TMC5: variants seen among roughly 807,000 people sequenced by gnomAD.
The protein encoded by TMC5 is transmembrane channel-like protein 5.
Under a neutral mutation model 110.5 loss-of-function variants are expected in TMC5, and 86 were observed. The observed-to-expected ratio is 0.78, with a 90% CI of 0.65 to 0.93. TMC5 has a LOEUF of 0.93. Ranked by LOEUF, TMC5 falls within the 40% of genes least tolerant of loss-of-function variation. The pLI is 0.00. For synonymous variants in TMC5, 455 were observed against 439.5 expected, an observed-to-expected ratio of 1.04 and a Z score of -0.44; for missense variants, 1,144 against 1,222.8, an observed-to-expected ratio of 0.94 and a Z score of 0.96.
Position 19,474,296 on chromosome 16 carries a change from C to T in TMC5, c.2090+20C>T. The T allele has an allele frequency of 1.9e-6, 3 of 1,608,452 alleles. No homozygotes were observed. Among genetic ancestry groups the T allele is most frequent in the Non-Finnish European group, 2.5e-6 (3 of 1,176,946 alleles). On this transcript the variant is annotated intron_variant, in intron 12 of 21. Coordinates refer to ENST00000542583, the MANE Select transcript of TMC5 (RefSeq NM_001261841.2). ...GATCCGGTAGGTGATGTGTCGCGCCCAACACCAGCCTCTATTTCCACAGAG... is the reference window on the plus strand; with the variant it reads ...GATCCGGTAGGTGATGTGTCGCGCCTAACACCAGCCTCTATTTCCACAGAG...
At chr16:19,469,851 T>C (rs1968284516) in intron 10 of TMC5, 26 bp downstream of exon 10, 1 of 1,612,686 alleles carries the variant, frequency 6.2e-7, no homozygotes, top group Admixed American at 1.7e-5. Flanking sequence ...TTTACTCATT[T>C]GCCATCGGCT....
chr16:19,415,515 A>G (rs1166113416), upstream of TMC5, among the ~76,000 whole-genome samples: 1 of 152,184 alleles, frequency 6.6e-6, no homozygotes, highest in Non-Finnish European at 1.5e-5. Flanking sequence ...CAGTCCCCCC[A>G]GCTCCCCACA....
intron 19 of TMC5, among the ~76,000 whole-genome samples, chr16:19,492,682 G>A (rs1208381009): frequency 6.6e-6 from 1 of 151,622 alleles, no homozygotes; most frequent in Admixed American, 6.6e-5. Flanking sequence ...CTGACCTCAG[G>A]TGATCCACCT....
intron 18 of TMC5, 75 bp from the exon 19 acceptor site, chr16:19,492,075 C>A: frequency 1.7e-6 from 2 of 1,184,074 alleles, no homozygotes; most frequent in Non-Finnish European, 2.5e-6. Flanking sequence ...GATTCCAGTT[C>A]CTTTGCATCC....
chr16:19,492,936 C>CA (rs1968949399), intron 19 of TMC5, among the ~76,000 whole-genome samples: 1 of 92,408 alleles, frequency 1.1e-5, no homozygotes, highest in Non-Finnish European at 2.3e-5. Context: ...ATATATATCT[C>CA]TCTATAAGAT....
At chr16:19,419,395 T>C (rs1966927995) in intron 1 of TMC5, among the ~76,000 whole-genome samples, 1 of 146,298 alleles carries the variant, frequency 6.8e-6, no homozygotes, top group African/African-American at 2.5e-5. Flanking sequence ...TGGAAATGAA[T>C]GTGTTGGTTT....
intron 16 of TMC5, 42 bp downstream of exon 16, chr16:19,487,062 C>T (rs367946575): frequency 8.7e-5 from 140 of 1,610,536 alleles, no homozygotes; most frequent in Non-Finnish European, 1.1e-4. Context: ...TTTGTTCAGT[C>T]ACCTGTGACC....
intron 9 of TMC5, among the ~76,000 whole-genome samples, chr16:19,467,964 TTTATTA>T (rs575430453): frequency 1.4e-4 from 21 of 151,678 alleles, no homozygotes; most frequent in Admixed American, 3.3e-4. Flanking sequence ...AGGAAATGAT[TTTATTA>T]TTATTATTAT....
chr16:19,440,094 A>T lies in TMC5; in HGVS notation c.56A>T (p.Tyr19Phe), dbSNP rs1233425618. ...GAGGAAGACCCAGATTACCCTGACT[A>T]TTCAGGGTCTCAGAACCGTACGCAG... ...WSEEDPDYPD[Y>F]SGSQNRTQGY... is the part of the protein sequence containing the mutation. The change falls in exon 3 of 22, where the codon TAT becomes TTT. Residue 19 changes from tyrosine to phenylalanine, a missense_variant. Coordinates refer to ENST00000542583, the MANE Select transcript of TMC5 (RefSeq NM_001261841.2). 1.2e-6 allele frequency: 2 copies of T among 1,614,124 alleles called. No individual in the cohort carries two copies. The highest frequency in any genetic ancestry group is 1.7e-5 in the Admixed American group (1 of 60,002).
At chr16:19,448,654 T>G in intron 4 of TMC5, among the ~76,000 whole-genome samples, 1 of 140,782 alleles carries the variant, frequency 7.1e-6, no homozygotes, top group African/African-American at 2.6e-5. Context: ...AATGTAATTT[T>G]TTATATTATA....
chr16:19,491,597 G>A (rs545402109), intron 18 of TMC5, among the ~76,000 whole-genome samples: 84 of 148,698 alleles, frequency 5.6e-4, no homozygotes, highest in Non-Finnish European at 1.0e-3. Context: ...GTGCACTGGC[G>A]CGATCTCAGC....
intron 5 of TMC5, among the ~76,000 whole-genome samples, chr16:19,453,464 C>T (rs527794979): frequency 1.3e-5 from 2 of 152,040 alleles, no homozygotes; most frequent in African/African-American, 2.4e-5. Context: ...TGGTACATGC[C>T]TGTGATCCCA....
intron 4 of TMC5, 98 bp downstream of exon 4, chr16:19,444,348 G>T (rs1283528797): frequency 9.2e-7 from 1 of 1,089,084 alleles, no homozygotes. Context: ...TAGGAGAATT[G>T]GTGTATCCTT....
intron 8 of TMC5, among the ~76,000 whole-genome samples, chr16:19,465,136 C>T (rs1968154413): frequency 7.7e-6 from 1 of 129,110 alleles, no homozygotes; most frequent in African/African-American, 2.9e-5. Flanking sequence ...TCCCTCCCTT[C>T]CTGGACCCCA....
chr16:19,496,158 A>C (rs1251115313), intron 20 of TMC5, among the ~76,000 whole-genome samples: 2 of 16,838 alleles, frequency 1.2e-4, no homozygotes, highest in African/African-American at 2.4e-4. Context: ...ACTCCGTGTC[A>C]AAAAAAAAAA....
chr16:19,475,847 C>T (rs1203292553), intron 12 of TMC5, among the ~76,000 whole-genome samples: 2 of 148,536 alleles, frequency 1.3e-5, no homozygotes, highest in African/African-American at 5.0e-5. Flanking sequence ...TTCTGTCGCC[C>T]AGGCTGGAGT....
intron 14 of TMC5, among the ~76,000 whole-genome samples, chr16:19,480,904 G>C (rs759712287): frequency 6.8e-6 from 1 of 147,656 alleles, no homozygotes. Flanking sequence ...ATGAAATCAA[G>C]TTTCCCCAGA....
intron 1 of TMC5, among the ~76,000 whole-genome samples, chr16:19,418,728 T>G (rs1414160410): frequency 3.3e-4 from 2 of 6,094 alleles, no homozygotes; most frequent in Non-Finnish European, 5.3e-4. Context: ...GATTTTTGTG[T>G]TTTTTTTTTT....
chr16:19,448,902 C>A (rs536436524), intron 4 of TMC5, among the ~76,000 whole-genome samples: 1 of 141,214 alleles, frequency 7.1e-6, no homozygotes, highest in South Asian at 2.2e-4. Context: ...CGCTCTGTTG[C>A]CCAAGCTGGT....
Sources: allele counts gnomAD v4.1 joint callset (sites outside exome capture counted in the v4.1 genomes callset), GRCh38; gene constraint gnomAD v4.1.1; transcripts MANE v1.5; gene names NCBI Gene and HGNC (gene_info 2026-07-23, HGNC 2026-07-21).